Variants in SHANK2 observed in about 807,000 individuals in gnomAD.
SHANK2 encodes SH3 and multiple ankyrin repeat domains protein 2.
A neutral mutation model predicts 133.7 loss-of-function variants in SHANK2; 43 were observed. That is an observed-to-expected ratio of 0.32 (90% CI 0.25 to 0.41). The LOEUF is 0.41. Ranked by LOEUF, SHANK2 falls within the 10% of genes least tolerant of loss-of-function variation. The pLI, the probability that SHANK2 is intolerant of heterozygous loss-of-function variation, is 1.00. For missense variants in SHANK2, 1,994 were observed against 2,235.8 expected, an observed-to-expected ratio of 0.89 and a Z score of 2.18; for synonymous variants, 1,017 against 952.8, an observed-to-expected ratio of 1.07 and a Z score of -1.24.
intron 17 of SHANK2, among the ~76,000 whole-genome samples, chr11:70,511,050 C>A (rs553382889): frequency 6.6e-6 from 1 of 152,194 alleles, no homozygotes; most frequent in African/African-American, 2.4e-5. Flanking sequence ...AGCTGTGCGT[C>A]GTGTGGCTTT....
At chr11:70,789,662 G>A (rs1277812786) in intron 14 of SHANK2, among the ~76,000 whole-genome samples, 1 of 152,190 alleles carries the variant, frequency 6.6e-6, no homozygotes, top group Non-Finnish European at 1.5e-5. Context: ...CACTGGGTAG[G>A]TGCTGCTCAT....
In SHANK2 at chr11:70,798,515, G is replaced by A. The variant is rs990226546; in HGVS notation, c.1705C>T (p.Arg569Cys). Residue 569 changes from arginine (R) to cysteine (C), a missense_variant, in exon 14 of 26, where the codon CGC (arginine) becomes TGC (cysteine). By Grantham distance (180) the Arg-to-Cys change is radical. This residue lies in a region of SHANK2 where 653 missense variants were observed against 563.4 expected (regional missense o/e 1.16). Transcript: ENST00000601538. ...GCCGGAAACCATCCGATGTGGCCGC[G>A]GGCGCTGCCTTCCCAGAAGCCCCCT... ...GEGGFWEGSA[R>C]GHIGWFPAEC... is the part of the protein sequence containing the mutation. The A allele has an allele frequency of 9.7e-6, 7 of 718,446 alleles. No homozygotes were observed. The highest frequency in any genetic ancestry group is 3.5e-5 in the African/African-American group (2 of 57,258). 44.5% of individuals were successfully genotyped at this position (718,446 alleles called of 1,614,324 possible).
intron 11 of SHANK2, among the ~76,000 whole-genome samples, chr11:70,840,416 AGG>A (rs1948885339): frequency 6.6e-6 from 1 of 152,150 alleles, no homozygotes; most frequent in African/African-American, 2.4e-5. Flanking sequence ...TATCAAAAGG[AGG>A]CTAGAATGCA....
Position 70,739,281 on chromosome 11 carries a change from C to T in SHANK2, c.1778-40518G>A, listed in dbSNP as rs1262529779. ...AGACCCGGGGCATCTCCCATCTCCACCCATCTCCACTCATCTCCACCCATC... is the reference window on the plus strand; with the variant it reads ...AGACCCGGGGCATCTCCCATCTCCATCCATCTCCACTCATCTCCACCCATC... On this transcript the variant is annotated intron_variant, in intron 14 of 25. Transcript: ENST00000601538. This position sits in a 1 kb window ranked among gnomAD's most constrained non-coding sequence, Gnocchi z 4.3. Among the ~76,000 whole-genome samples, 6 of 152,126 alleles carry T rather than the reference C, an allele frequency of 3.9e-5. No individual in the cohort carries two copies. The highest frequency in any genetic ancestry group is 1.4e-4 in the African/African-American group (6 of 41,402).
At position 70,947,631 on chromosome 11, in the gene SHANK2, G is replaced by T. The variant is rs113740632; in HGVS notation, c.1108-51064C>A. 7.1e-3 allele frequency among the ~76,000 whole-genome samples: 1,074 copies of T among 152,230 alleles called. 10 individuals are homozygous for T. The highest frequency in any genetic ancestry group is 0.025 in the African/African-American group (1,049 of 41,524). ...TCCTCCTGCCTTGGCCTCCCAAAGT[G>T]CTGGGATTATAGGTGTGAGCCACTG... On this transcript the variant is annotated intron_variant, in intron 10 of 25. Coordinates refer to ENST00000601538, the MANE Select transcript of SHANK2 (RefSeq NM_012309.5).
chr11:70,481,262 C>T (rs782104766), intron 25 of SHANK2, among the ~76,000 whole-genome samples: 15 of 152,200 alleles, frequency 9.9e-5, no homozygotes, highest in Admixed American at 3.3e-4. Context: ...TTCCTTTCGT[C>T]GGCGTATTTG....
chr11:70,941,435 G>A (rs541858775), intron 10 of SHANK2, among the ~76,000 whole-genome samples: 78 of 152,306 alleles, frequency 5.1e-4, no homozygotes, highest in African/African-American at 1.4e-3. Flanking sequence ...TAATACTCCT[G>A]ACCTGAAACA....
chr11:71,150,229 G>A (rs1292312031), intron 2 of SHANK2, among the ~76,000 whole-genome samples: 33 of 29,726 alleles, frequency 1.1e-3, no homozygotes, highest in East Asian at 6.6e-3. Context: ...GGGAGAGGGA[G>A]GGAGGGAAGG....
At chr11:70,489,034 AGAG>A in intron 24 of SHANK2, 1 of 411,682 alleles carries the variant, frequency 2.4e-6, no homozygotes, top group Non-Finnish European at 4.5e-6. Flanking sequence ...AGGTTTTCAA[AGAG>A]GTAGCAAAAT....
chr11:70,529,062 G>A (rs1459435632), intron 17 of SHANK2, among the ~76,000 whole-genome samples: 1 of 152,110 alleles, frequency 6.6e-6, no homozygotes. Context: ...GAACTCAGTG[G>A]GGTTCAGACA....
At chr11:70,559,775 T>C (rs2059882963) in intron 17 of SHANK2, among the ~76,000 whole-genome samples, 1 of 152,034 alleles carries the variant, frequency 6.6e-6, no homozygotes, top group South Asian at 2.1e-4. Flanking sequence ...CCTGCCCAAA[T>C]GGTAGATGAT....
intron 2 of SHANK2, among the ~76,000 whole-genome samples, chr11:71,217,025 C>T (rs371945376): frequency 1.3e-5 from 2 of 151,830 alleles, no homozygotes; most frequent in African/African-American, 4.8e-5. Context: ...GGTGAAACCC[C>T]GTCTCTACCA....
intron 11 of SHANK2, chr11:70,863,263 G>T: frequency 2.2e-6 from 1 of 452,324 alleles, no homozygotes; most frequent in Non-Finnish European, 4.5e-6. Flanking sequence ...CTCTCCCCAT[G>T]ACATGGCTGT....
chr11:71,193,148 T>C (rs1488768191), intron 2 of SHANK2, among the ~76,000 whole-genome samples: 1 of 152,136 alleles, frequency 6.6e-6, no homozygotes, highest in Non-Finnish European at 1.5e-5. Context: ...TAAAGCCAGA[T>C]TCCTCCCCGA....
intron 2 of SHANK2, among the ~76,000 whole-genome samples, chr11:71,213,472 T>A (rs1954328918): frequency 6.6e-6 from 1 of 152,170 alleles, no homozygotes; most frequent in Non-Finnish European, 1.5e-5. Context: ...GGTTTTTAAC[T>A]CAAAGTCCAT....
chr11:70,785,486 C>G (rs868916149), intron 14 of SHANK2, among the ~76,000 whole-genome samples: 1 of 152,196 alleles, frequency 6.6e-6, no homozygotes, highest in Non-Finnish European at 1.5e-5. Flanking sequence ...TGGCCCTGCT[C>G]CCCACAACCC....
chr11:70,822,135 T>TG (rs1565341528), intron 11 of SHANK2, among the ~76,000 whole-genome samples: 1 of 152,194 alleles, frequency 6.6e-6, no homozygotes, highest in African/African-American at 2.4e-5. Context: ...CCACCATCAC[T>TG]GGGGGGCCAA....
At chr11:70,709,685 C>CA (rs1156292554) in intron 14 of SHANK2, among the ~76,000 whole-genome samples, 2 of 152,168 alleles carry the variant, frequency 1.3e-5, no homozygotes, top group Non-Finnish European at 2.9e-5. Context: ...CGCACACACT[C>CA]AGTGTTGGGC....
chr11:71,091,017 C>A (rs1266217097), intron 8 of SHANK2, among the ~76,000 whole-genome samples: 1 of 151,802 alleles, frequency 6.6e-6, no homozygotes, highest in Non-Finnish European at 1.5e-5. Flanking sequence ...ACCTTCTCAG[C>A]AACAACTAGA....
Sources: allele counts gnomAD v4.1 joint callset (sites outside exome capture counted in the v4.1 genomes callset), GRCh38; gene constraint gnomAD v4.1.1; regional missense constraint gnomAD v4.1.1; non-coding constraint Gnocchi (gnomAD v3.1); transcripts MANE v1.5; gene names NCBI Gene and HGNC (gene_info 2026-07-23, HGNC 2026-07-21).